Variants in MYO16 observed in about 807,000 individuals in gnomAD.
MYO16 encodes myosin XVI, also known as unconventional myosin-XVI.
A neutral mutation model predicts 205.3 loss-of-function variants in MYO16; 94 were observed. That is an observed-to-expected ratio of 0.46 (90% confidence interval 0.39 to 0.54). The LOEUF (loss-of-function observed/expected upper bound fraction) is 0.54. MYO16 is among the 20% of genes least tolerant of loss of function. MYO16 has a pLI of 0.00. For missense variants in MYO16, 2,315 were observed against 2,387.5 expected (o/e 0.97, Z 0.63); for synonymous variants, 988 against 954.0 (o/e 1.04, Z -0.66).
chr13:108,523,114 T>C, the MYO16 span, among the ~76,000 whole-genome samples: 1 of 152,172 alleles, frequency 6.6e-6, no homozygotes, highest in African/African-American at 2.4e-5. Context: ...AGGTCTCATG[T>C]GCAGTGGCCC....
intron 33 of MYO16, among the ~76,000 whole-genome samples, chr13:109,175,411 C>A (rs1336792649): frequency 6.6e-6 from 1 of 152,166 alleles, no homozygotes; most frequent in East Asian, 1.9e-4. Context: ...ATCCATTATG[C>A]CATGGAGATC....
intron 16 of MYO16, among the ~76,000 whole-genome samples, chr13:108,914,897 C>T (rs1881419887): frequency 6.6e-6 from 1 of 152,182 alleles, no homozygotes; most frequent in African/African-American, 2.4e-5. Context: ...CCTGCTTCAG[C>T]CTCCCAAAGT....
At chr13:108,673,229 G>C (rs760577152) in intron 2 of MYO16, among the ~76,000 whole-genome samples, 7 of 152,124 alleles carry the variant, frequency 4.6e-5, no homozygotes, top group Non-Finnish European at 2.9e-5. Flanking sequence ...CTTGCCATTT[G>C]AAATTCTTTA....
At chr13:108,812,280 T>A (rs1312786973) in intron 7 of MYO16, among the ~76,000 whole-genome samples, 4 of 152,224 alleles carry the variant, frequency 2.6e-5, no homozygotes, top group Admixed American at 1.3e-4. Context: ...TAGTTGTCAG[T>A]TCATTCATCT....
chr13:109,176,312 T>A (rs1281169792), intron 33 of MYO16, among the ~76,000 whole-genome samples: 1 of 152,058 alleles, frequency 6.6e-6, no homozygotes, highest in Non-Finnish European at 1.5e-5. Context: ...CTTTGTCCAT[T>A]TTTTAATATC....
intron 3 of MYO16, among the ~76,000 whole-genome samples, chr13:108,722,242 G>C (rs562258283): frequency 6.6e-6 from 1 of 152,184 alleles, no homozygotes; most frequent in African/African-American, 2.4e-5. Context: ...TCACTTTCTT[G>C]GTGCCATAAA....
Position 109,127,402 on chromosome 13 carries a change from G to C in MYO16, c.3903G>C (p.Ser1301=), listed in dbSNP as rs764838918. 1 of 1,613,960 alleles carries C rather than the reference G, an allele frequency of 6.2e-7. No individual in the cohort carries two copies. Among genetic ancestry groups the C allele is most frequent in the Non-Finnish European group, 8.5e-7 (1 of 1,179,982 alleles). The change falls in exon 31 of 35, where the codon TCG becomes TCC. Residue 1301 remains serine, a synonymous_variant. Coordinates refer to ENST00000457511, the MANE Select transcript of MYO16 (RefSeq NM_001198950.3). The surrounding 1 kb of genome is among the most constrained non-coding windows in gnomAD (Gnocchi z 4.2). Reference sequence around the variant, plus strand: ...CCATCTGGTCTCCTTCGCTGCACTCGGTGTTCAGCATGGATGACAGCAGCA... The same window carrying C: ...CCATCTGGTCTCCTTCGCTGCACTCCGTGTTCAGCATGGATGACAGCAGCA... The part of the protein sequence containing the change: ...GPSIWSPSLH[S]VFSMDDSSSL...
At chr13:108,500,206 GTTTTTT>G in the MYO16 span, among the ~76,000 whole-genome samples, 1 of 11,946 alleles carries the variant, frequency 8.4e-5, no homozygotes, top group Non-Finnish European at 3.2e-4. Context: ...GTTGATTCCT[GTTTTTT>G]TTTTTTTTGT....
the MYO16 span, among the ~76,000 whole-genome samples, chr13:108,586,716 G>A: frequency 4.1e-4 from 62 of 152,288 alleles, no homozygotes; most frequent in African/African-American, 1.4e-3. Flanking sequence ...AGAGATACTG[G>A]TTATTATGAT....
At chr13:108,743,639 T>G (rs560999719) in intron 4 of MYO16, among the ~76,000 whole-genome samples, 1 of 152,358 alleles carries the variant, frequency 6.6e-6, no homozygotes, top group Admixed American at 6.5e-5. Flanking sequence ...CTTGGCCTTT[T>G]GTGTTTGAAC....
chr13:108,536,029 G>A, the MYO16 span, among the ~76,000 whole-genome samples: 6 of 131,508 alleles, frequency 4.6e-5, no homozygotes, highest in African/African-American at 1.5e-4. Flanking sequence ...GTGTGCATGT[G>A]TGTGTGCATG....
At chr13:109,115,983 A>G (rs1304740269) in intron 28 of MYO16, among the ~76,000 whole-genome samples, 2 of 152,174 alleles carry the variant, frequency 1.3e-5, no homozygotes, top group African/African-American at 4.8e-5. Flanking sequence ...ACAAACAAAC[A>G]AACAAAAAAC....
chr13:108,620,135 T>C (rs1879487353), intron 1 of MYO16, among the ~76,000 whole-genome samples: 1 of 152,192 alleles, frequency 6.6e-6, no homozygotes, highest in South Asian at 2.1e-4. Context: ...GTTCTGATTC[T>C]TAAATGAATC....
intron 28 of MYO16, among the ~76,000 whole-genome samples, chr13:109,105,075 G>A (rs1183592841): frequency 6.6e-6 from 1 of 151,692 alleles, no homozygotes; most frequent in East Asian, 1.9e-4. Context: ...AAAGACACAG[G>A]ACAGACACTC....
chr13:109,028,814 A>G (rs277823), intron 23 of MYO16, among the ~76,000 whole-genome samples: 147,943 of 151,728 alleles, frequency 0.98, 72,210 homozygotes, highest in East Asian at 1. Context: ...ATTTCCACAG[A>G]CCTTTACGGG....
At chr13:108,891,829 G>C (rs192171849) in intron 14 of MYO16, among the ~76,000 whole-genome samples, 2 of 152,104 alleles carry the variant, frequency 1.3e-5, no homozygotes, top group Admixed American at 1.3e-4. Flanking sequence ...TTAAAAATAC[G>C]GAAATATACT....
intron 11 of MYO16, 29 bp downstream of exon 11, chr13:108,855,582 CT>C: frequency 1.4e-6 from 2 of 1,421,422 alleles, no homozygotes; most frequent in Non-Finnish European, 2.0e-6. Flanking sequence ...GCCTTTTGCA[CT>C]GTTTTTCTCT....
At chr13:108,948,785 C>T (rs1157764709) in intron 16 of MYO16, among the ~76,000 whole-genome samples, 2 of 152,228 alleles carry the variant, frequency 1.3e-5, no homozygotes, top group African/African-American at 2.4e-5. Context: ...TAGTCCATGG[C>T]TTAATCTTAC....
chr13:109,015,615 A>G (rs1264386313), intron 22 of MYO16, among the ~76,000 whole-genome samples: 1 of 152,132 alleles, frequency 6.6e-6, no homozygotes, highest in African/African-American at 2.4e-5. Flanking sequence ...TTTGTAGGCT[A>G]TTAATTGTTG....
Sources: allele counts gnomAD v4.1 joint callset (sites outside exome capture counted in the v4.1 genomes callset), GRCh38; gene constraint gnomAD v4.1.1; non-coding constraint Gnocchi (gnomAD v3.1); transcripts MANE v1.5; gene names NCBI Gene and HGNC (gene_info 2026-07-23, HGNC 2026-07-21).